The following VPS26B variants were observed in gnomAD, a reference collection of about 807,000 sequenced individuals.
The protein encoded by VPS26B is vacuolar protein sorting-associated protein 26B.
A neutral mutation model predicts 33.3 loss-of-function variants in VPS26B; 10 were observed. That is an observed-to-expected ratio of 0.30 (90% CI 0.19 to 0.51). The LOEUF (loss-of-function observed/expected upper bound fraction) is 0.51. Among genes scored for constraint, VPS26B ranks in the 20% least tolerant of loss-of-function variants. VPS26B has a pLI of 0.98. For missense variants in VPS26B, 317 were observed against 452.7 expected, an observed-to-expected ratio of 0.70 and a Z score of 2.72; for synonymous variants, 190 against 176.9, an observed-to-expected ratio of 1.07 and a Z score of -0.59.
intron 1 of VPS26B, among the ~76,000 whole-genome samples, chr11:134,229,713 C>T (rs1241488558): frequency 1.3e-5 from 2 of 152,200 alleles, no homozygotes; most frequent in Non-Finnish European, 2.9e-5. Context: ...CTGTTTGTAG[C>T]AGCTTCCTAA....
intron 2 of VPS26B, among the ~76,000 whole-genome samples, chr11:134,238,809 A>G (rs1474092880): frequency 2.0e-5 from 3 of 151,796 alleles, no homozygotes; most frequent in South Asian, 2.1e-4. Context: ...GTTAGCCAGG[A>G]TGGTCTCGAT....
chr11:134,224,963 C>G lies in VPS26B; in HGVS notation c.-160C>G, dbSNP rs1938408931. The G allele has an allele frequency of 2.2e-6, 1 of 449,594 alleles. No individual in the cohort carries two copies. Among genetic ancestry groups the G allele is most frequent in the Admixed American group, 5.1e-5 (1 of 19,636 alleles). 27.9% of individuals were successfully genotyped at this position (449,594 alleles called of 1,614,324 possible). A position where few individuals can be genotyped will look rare whatever the true frequency, so the allele number is the denominator to read the frequency against. On this transcript the variant is annotated 5_prime_UTR_variant, in exon 1 of 6. Transcript: ENST00000281187. ...CCCCTCCCCCGTGGAGCCGGCTGTC[C>G]GTCGGCGCCCACTGCCCGGCGGCAG...
At chr11:134,239,756 G>A (rs888285809) in intron 2 of VPS26B, 2 of 531,344 alleles carry the variant, frequency 3.8e-6, no homozygotes, top group Non-Finnish European at 3.4e-6. Flanking sequence ...TCCCTAGAGG[G>A]ATTTGGGGGA....
At chr11:134,233,465 T>C (rs1001490960) in intron 1 of VPS26B, among the ~76,000 whole-genome samples, 1 of 152,238 alleles carries the variant, frequency 6.6e-6, no homozygotes, top group African/African-American at 2.4e-5. Context: ...GGCTCGCGCC[T>C]GTAATCCCAG....
chr11:134,227,980 G>T (rs977275691), intron 1 of VPS26B, among the ~76,000 whole-genome samples: 66 of 152,230 alleles, frequency 4.3e-4, no homozygotes, highest in Non-Finnish European at 1.0e-4. Context: ...GGCCACATGG[G>T]CCAGTCTCAG....
At chr11:134,234,007 G>A (rs571514834) in intron 1 of VPS26B, among the ~76,000 whole-genome samples, 60 of 152,252 alleles carry the variant, frequency 3.9e-4, no homozygotes, top group East Asian at 1.2e-3. Flanking sequence ...GGTAGCAGCC[G>A]TCCTGGGGAG....
chr11:134,238,978 T>C (rs1938678443), intron 2 of VPS26B, among the ~76,000 whole-genome samples: 2 of 152,326 alleles, frequency 1.3e-5, no homozygotes, highest in African/African-American at 4.8e-5. Flanking sequence ...CAATTTATTA[T>C]ATTACATTAG....
chr11:134,243,189 G>C lies in VPS26B; in HGVS notation c.616G>C (p.Glu206Gln). ...LLVRIKIKHM[E>Q]IDIIKRETTG... ...GGTGAGAATCAAAATCAAGCACATG[G>C]AGATAGACATCATCAAGCGAGAAAC... Residue 206 changes from glutamate to glutamine, a missense_variant, in exon 4 of 6, where the codon GAG (glutamate) becomes CAG (glutamine). Coordinates refer to ENST00000281187, the MANE Select transcript of VPS26B (RefSeq NM_052875.5). The C allele has an allele frequency of 1.9e-6, 3 of 1,614,130 alleles. No homozygotes were observed. Among genetic ancestry groups the C allele is most frequent in the Non-Finnish European group, 2.5e-6 (3 of 1,180,036 alleles).
rs200076063 is a variant in VPS26B at position 134,225,304 on chromosome 11, T to C, written c.182T>C (p.Leu61Pro). The change falls in exon 1 of 6, where the codon CTG becomes CCG. Residue 61 changes from leucine (L) to proline (P), a missense_variant. Coordinates refer to ENST00000281187, the MANE Select transcript of VPS26B (RefSeq NM_052875.5). ...SLALKNPNKRLEHQGIKIEFI... is the reference protein window; with the variant it reads ...SLALKNPNKRPEHQGIKIEFI... ...GCCCTCAAGAACCCCAACAAGCGGC[T>C]GGAGCACCAGGGCATCAAGATCGAG... 2.5e-6 allele frequency: 4 copies of C among 1,613,986 alleles called. No individual in the cohort carries two copies. Among genetic ancestry groups the C allele is most frequent in the East Asian group, 2.2e-5 (1 of 44,864 alleles).
At chr11:134,239,150 C>G (rs944743213) in intron 2 of VPS26B, among the ~76,000 whole-genome samples, 2 of 152,128 alleles carry the variant, frequency 1.3e-5, no homozygotes, top group African/African-American at 4.8e-5. Context: ...TGTCTTCTCT[C>G]TCATCCCCTC....
Position 134,240,817 on chromosome 11 carries a change from G to GTGTGTGTA in VPS26B, c.545+669_545+670insATGTGTGT, listed in dbSNP as rs1198723513. The stretch of plus-strand genomic sequence containing the variant: ...TCCGTGTGTGTGTGTGTGTGTGTGT[G>GTGTGTGTA]TGTGTGTGTGTAGCCAAGGTTTCAT... On this transcript the variant is annotated intron_variant, in intron 3 of 5. Transcript: ENST00000281187. This position sits in a 1 kb window ranked among gnomAD's most constrained non-coding sequence, Gnocchi z 4.4. 1.3e-5 allele frequency among the ~76,000 whole-genome samples: 2 copies of GTGTGTGTA among 150,174 alleles called. No homozygotes were observed. Among genetic ancestry groups the GTGTGTGTA allele is most frequent in the African/African-American group, 4.9e-5 (2 of 41,228 alleles).
At chr11:134,241,382 G>T (rs948990844) in intron 3 of VPS26B, among the ~76,000 whole-genome samples, 1 of 152,174 alleles carries the variant, frequency 6.6e-6, no homozygotes, top group African/African-American at 2.4e-5. Flanking sequence ...TCCCCTGGCA[G>T]GCCTGGAACC....
Position 134,247,240 on chromosome 11 carries a change from G to A in VPS26B, c.*1650G>A, listed in dbSNP as rs1288312861. The A allele has an allele frequency of 6.6e-6, 1 of 152,192 alleles. No homozygotes were observed. Among genetic ancestry groups the A allele is most frequent in the Non-Finnish European group, 1.5e-5 (1 of 68,050 alleles). The allele number at this position is 152,192 out of a possible 1,614,324, so 9.4% of individuals were successfully genotyped here. On this transcript the variant is annotated 3_prime_UTR_variant, in exon 6 of 6. Transcript: ENST00000281187. ...TCCTCATGGGAACAGGATCACCCAT[G>A]CGCTGCCCTTGATGATCAAGGTTGG...
rs150924032 is a variant in VPS26B, at chr11:134,240,332, C to T, written c.545+177C>T. On this transcript the variant is annotated intron_variant, in intron 3 of 5. Coordinates refer to ENST00000281187, the MANE Select transcript of VPS26B (RefSeq NM_052875.5). This position sits in a 1 kb window ranked among gnomAD's most constrained non-coding sequence, Gnocchi z 4.4. ...TATGGCAGGCCAGCTGCAGCTGGAC[C>T]GACCACGACGTAAACACTTCATTTA... Among the ~76,000 whole-genome samples, 11 of 152,072 alleles carry T rather than the reference C, an allele frequency of 7.2e-5. No homozygotes were observed. The highest frequency in any genetic ancestry group is 1.9e-4 in the African/African-American group (8 of 41,392).
Position 134,246,078 on chromosome 11 carries a change from C to CA in VPS26B, c.*489dup. The CA allele has an allele frequency of 6.5e-6, 1 of 154,862 alleles. No individual in the cohort carries two copies. Among genetic ancestry groups the CA allele is most frequent in the East Asian group, 1.9e-4 (1 of 5,242 alleles). The allele number at this position is 154,862 out of a possible 1,614,324, so 9.6% of individuals were successfully genotyped here. A position where few individuals can be genotyped will look rare whatever the true frequency, so the allele number is the denominator to read the frequency against. On this transcript the variant is annotated 3_prime_UTR_variant, in exon 6 of 6. Coordinates refer to ENST00000281187, the MANE Select transcript of VPS26B (RefSeq NM_052875.5). Reference sequence around the variant, plus strand: ...CCCCACTAAGTGGCAGGGGAAGACTCACGATTGGGAAGCTACCTCTTTGGG... The same window carrying CA: ...CCCCACTAAGTGGCAGGGGAAGACTCAACGATTGGGAAGCTACCTCTTTGGG...
chr11:134,239,921 T>C, intron 2 of VPS26B, 70 bp from the exon 3 acceptor site: 3 of 1,586,484 alleles, frequency 1.9e-6, no homozygotes, highest in Non-Finnish European at 2.6e-6. Context: ...AGTGGGCCAA[T>C]TTGGTACCTA....
chr11:134,243,619 T>G (rs979522145), intron 4 of VPS26B: 6 of 275,798 alleles, frequency 2.2e-5, no homozygotes, highest in Non-Finnish European at 3.4e-5. Flanking sequence ...CGTTTCTGCT[T>G]CTTCCTGTTG....
intron 1 of VPS26B, among the ~76,000 whole-genome samples, chr11:134,229,303 A>G (rs924574886): frequency 3.9e-5 from 6 of 152,134 alleles, no homozygotes; most frequent in Non-Finnish European, 8.8e-5. Context: ...GATTACATAC[A>G]TGAGTCACTG....
intron 3 of VPS26B, among the ~76,000 whole-genome samples, chr11:134,241,695 G>A (rs962519966): frequency 6.6e-6 from 1 of 152,230 alleles, no homozygotes; most frequent in Admixed American, 6.5e-5. Flanking sequence ...CAAAGCTAGT[G>A]TGGAAAAGGT....
Sources: allele counts gnomAD v4.1 joint callset (sites outside exome capture counted in the v4.1 genomes callset), GRCh38; gene constraint gnomAD v4.1.1; non-coding constraint Gnocchi (gnomAD v3.1); transcripts MANE v1.5; gene names NCBI Gene and HGNC (gene_info 2026-07-23, HGNC 2026-07-21).